GALNT13: variants seen among roughly 807,000 people sequenced by gnomAD.
GALNT13 encodes the protein UDP-GalNAc:polypeptide N-acetylgalactosaminyltransferase 13.
A neutral mutation model predicts 64.2 loss-of-function variants in GALNT13; 28 were observed. The ratio of observed to expected loss-of-function variants is 0.44; its 90% CI spans 0.32 to 0.60. The LOEUF (loss-of-function observed/expected upper bound fraction) is 0.60, where lower values mean the gene tolerates loss of function less well. Among genes scored for constraint, GALNT13 ranks in the 20% least tolerant of loss-of-function variants. The pLI is 0.05. For missense variants in GALNT13, 577 were observed against 669.8 expected (o/e 0.86, Z 1.53); for synonymous variants, 214 against 224.6 (o/e 0.95, Z 0.42).
chr2:153,072,239 A>C, the GALNT13 span, among the ~76,000 whole-genome samples: 2 of 152,184 alleles, frequency 1.3e-5, no homozygotes, highest in Non-Finnish European at 2.9e-5. Flanking sequence ...TGTAAGGGCC[A>C]AAATAACTCT....
At chr2:153,957,444 G>A (rs1237302114) in intron 3 of GALNT13, among the ~76,000 whole-genome samples, 5 of 152,198 alleles carry the variant, frequency 3.3e-5, no homozygotes, top group African/African-American at 4.8e-5. Flanking sequence ...CATCTGCAGG[G>A]ACAATGGTCC....
At chr2:154,334,389 A>C (rs1339126771) in intron 9 of GALNT13, among the ~76,000 whole-genome samples, 2 of 143,948 alleles carry the variant, frequency 1.4e-5, no homozygotes, top group Admixed American at 7.1e-5. Flanking sequence ...TATCTATGAA[A>C]TCAATAGACA....
At chr2:154,212,266 A>G (rs1687816837) in intron 4 of GALNT13, among the ~76,000 whole-genome samples, 1 of 151,282 alleles carries the variant, frequency 6.6e-6, no homozygotes, top group African/African-American at 2.4e-5. Flanking sequence ...TTTTTTTGAG[A>G]CGGAGTCTTG....
rs568731921 is a variant in GALNT13, at chr2:154,140,155, G to A, written c.143-182G>A. ...TTTATCTAAACTTGGAAGATAATAC[G>A]CAGAATTGATGTTTTTCTTTAGCAG... On this transcript the variant is annotated intron_variant, in intron 3 of 12. Coordinates refer to ENST00000392825, the MANE Select transcript of GALNT13 (RefSeq NM_052917.4). Among the ~76,000 whole-genome samples, 19 of 152,134 alleles carry A rather than the reference G, an allele frequency of 1.2e-4. No individual in the cohort carries two copies. The South Asian group carries it at 3.5e-3, about 28-fold the overall frequency.
At chr2:153,323,027 C>T in the GALNT13 span, among the ~76,000 whole-genome samples, 1 of 152,086 alleles carries the variant, frequency 6.6e-6, no homozygotes, top group Non-Finnish European at 1.5e-5. Flanking sequence ...AATGGGATTG[C>T]TGGGTCAAAT....
rs80000285 is a variant in GALNT13, at chr2:153,939,854, G to A, written c.-104-4540G>A. ...TAGCCTTACAAGGTAACTACTATTCGCATTTTGTGAGTAGGAAAACCAAGG... is the reference window on the plus strand; with the variant it reads ...TAGCCTTACAAGGTAACTACTATTCACATTTTGTGAGTAGGAAAACCAAGG... On this transcript the variant is annotated intron_variant, in intron 2 of 12. Coordinates refer to ENST00000392825, the MANE Select transcript of GALNT13 (RefSeq NM_052917.4). 4.6e-5 allele frequency among the ~76,000 whole-genome samples: 7 copies of A among 152,182 alleles called. No individual in the cohort carries two copies. The East Asian group carries it at 7.7e-4, about 17-fold the overall frequency.
the GALNT13 span, among the ~76,000 whole-genome samples, chr2:153,714,155 G>A: frequency 1.3e-5 from 2 of 152,182 alleles, no homozygotes; most frequent in African/African-American, 4.8e-5. Context: ...TCCAGGTCCA[G>A]AGATTTAGAC....
At chr2:153,382,957 G>C in the GALNT13 span, among the ~76,000 whole-genome samples, 3 of 151,810 alleles carry the variant, frequency 2.0e-5, no homozygotes, top group African/African-American at 4.8e-5. Flanking sequence ...CTTATAAAAA[G>C]TATTTTCTTT....
At chr2:153,597,337 T>A in the GALNT13 span, among the ~76,000 whole-genome samples, 1 of 152,090 alleles carries the variant, frequency 6.6e-6, no homozygotes, top group African/African-American at 2.4e-5. Context: ...CAATATCTTT[T>A]AAAAGTATAA....
intron 3 of GALNT13, among the ~76,000 whole-genome samples, chr2:153,954,895 C>G (rs934182099): frequency 4.6e-5 from 7 of 151,690 alleles, no homozygotes; most frequent in Middle Eastern, 6.8e-3. Flanking sequence ...CTCCTTTTTG[C>G]CAAAGTAATC....
chr2:154,303,829 G>A lies in GALNT13; in HGVS notation c.1156+2240G>A, dbSNP rs148385654. Reference sequence around the variant, plus strand: ...GCTGGAGTGCAGTGGCGTGATCTCGGCTCACTGCAAACTCTGCCTCCCGGT... The same window carrying A: ...GCTGGAGTGCAGTGGCGTGATCTCGACTCACTGCAAACTCTGCCTCCCGGT... On this transcript the variant is annotated intron_variant, in intron 9 of 12. Transcript: ENST00000392825. 6.6e-4 allele frequency among the ~76,000 whole-genome samples: 100 copies of A among 151,950 alleles called. 3 individuals are homozygous for A. The East Asian group carries it at 0.019, about 29-fold the overall frequency.
the GALNT13 span, among the ~76,000 whole-genome samples, chr2:153,150,779 T>C: frequency 1.3e-5 from 2 of 152,110 alleles, no homozygotes; most frequent in African/African-American, 4.8e-5. Flanking sequence ...GATCAGATGG[T>C]TGTAGATATG....
the GALNT13 span, among the ~76,000 whole-genome samples, chr2:153,124,974 C>T: frequency 2.6e-5 from 4 of 152,082 alleles, no homozygotes; most frequent in Non-Finnish European, 5.9e-5. Context: ...ATGAAGCTAT[C>T]GTTGTATTAA....
chr2:153,736,254 T>G, the GALNT13 span, among the ~76,000 whole-genome samples: 1 of 152,174 alleles, frequency 6.6e-6, no homozygotes, highest in Non-Finnish European at 1.5e-5. Context: ...CTCTACTCCA[T>G]GGATTTTAGT....
At chr2:153,572,349 T>G in the GALNT13 span, among the ~76,000 whole-genome samples, 5 of 151,406 alleles carry the variant, frequency 3.3e-5, no homozygotes, top group Non-Finnish European at 5.9e-5. Context: ...TCTCTCTTTT[T>G]TTTTAGTTTG....
At chr2:153,442,525 C>G in the GALNT13 span, among the ~76,000 whole-genome samples, 1 of 152,116 alleles carries the variant, frequency 6.6e-6, no homozygotes, top group Non-Finnish European at 1.5e-5. Context: ...GGAATGGTAC[C>G]AGCTTCTTTT....
intron 2 of GALNT13, among the ~76,000 whole-genome samples, chr2:153,929,215 G>A (rs1009723460): frequency 6.6e-6 from 1 of 152,058 alleles, no homozygotes; most frequent in African/African-American, 2.4e-5. Context: ...ATACCTCACA[G>A]TACCTGCCTA....
the GALNT13 span, among the ~76,000 whole-genome samples, chr2:153,615,737 G>A: frequency 2.0e-5 from 3 of 151,792 alleles, no homozygotes; most frequent in East Asian, 1.9e-4. Flanking sequence ...CTTTTAAATC[G>A]AAATGGAGAC....
chr2:154,160,640 T>C (rs2105662992), intron 4 of GALNT13, among the ~76,000 whole-genome samples: 1 of 152,280 alleles, frequency 6.6e-6, no homozygotes, highest in East Asian at 1.9e-4. Context: ...CAGATTATAA[T>C]TTTATGGCCA....
Sources: gnomAD v4.1 joint callset for allele counts (sites outside exome capture counted in the v4.1 genomes callset) on GRCh38, gnomAD v4.1.1 for gene constraint, MANE v1.5 for transcripts, NCBI Gene and HGNC (gene_info 2026-07-23, HGNC 2026-07-21) for gene names.